NBPF8: variants seen among roughly 807,000 people sequenced by gnomAD.
The protein encoded by NBPF8 is NBPF member 8, also known as NBPF family member NBPF8.
chr1:120,421,210 T>TTG (rs1660564895), intron 1 of NBPF8, among the ~76,000 whole-genome samples: 2 of 152,232 alleles, frequency 1.3e-5, no homozygotes, highest in Non-Finnish European at 2.9e-5. Flanking sequence ...GAAGAAGGGG[T>TTG]TGTACCCCAT....
chr1:120,434,227 A>AAT (rs1172521758), upstream of NBPF8, among the ~76,000 whole-genome samples: 21 of 145,218 alleles, frequency 1.4e-4, no homozygotes, highest in South Asian at 1.7e-3. Flanking sequence ...AAAAGAAAAA[A>AAT]ATATATATAT....
upstream of NBPF8, among the ~76,000 whole-genome samples, chr1:120,435,805 G>T (rs1250957691): frequency 6.6e-6 from 1 of 151,764 alleles, no homozygotes; most frequent in African/African-American, 2.4e-5. Flanking sequence ...GGCAGAGCTT[G>T]CAGTGAGCCT....
At chr1:120,431,795 T>C (rs1242673086), upstream of NBPF8, among the ~76,000 whole-genome samples, 2 of 151,680 alleles carry the variant, frequency 1.3e-5, no homozygotes, top group African/African-American at 4.8e-5. Context: ...GTCTGCACAG[T>C]GATCTGTATG....
At chr1:120,432,486 TG>T (rs1660907689), upstream of NBPF8, 1 of 149,110 alleles carries the variant, frequency 6.7e-6, no homozygotes, top group African/African-American at 2.5e-5. Flanking sequence ...TGGATGCTCA[TG>T]ATAGTTTCTT....
chr1:120,466,308 G>C, exon 25 of NBPF8: 1 of 1,552,590 alleles, frequency 6.4e-7, no homozygotes, highest in Non-Finnish European at 8.8e-7. Flanking sequence ...AGTTCCATTT[G>C]GAAGCCCAGA....
At chr1:120,434,129 G>A (rs1356464199), upstream of NBPF8, 2 of 152,478 alleles carry the variant, frequency 1.3e-5, no homozygotes, top group Admixed American at 1.3e-4. Context: ...TGGGCTGGCG[G>A]GTGGGGGAGG....
upstream of NBPF8, among the ~76,000 whole-genome samples, chr1:120,415,041 G>C (rs1426794642): frequency 6.6e-6 from 1 of 152,148 alleles, no homozygotes; most frequent in Non-Finnish European, 1.5e-5. Context: ...CGCCGAGCGG[G>C]ACCCTGAGGA....
upstream of NBPF8, among the ~76,000 whole-genome samples, chr1:120,435,888 A>G (rs1387267536): frequency 2.0e-5 from 3 of 151,062 alleles, no homozygotes; most frequent in Admixed American, 1.3e-4. Flanking sequence ...AAGTCAAAAC[A>G]AGAGAACATA....
intron 3 of NBPF8, among the ~76,000 whole-genome samples, chr1:120,430,534 C>G (rs1271982332): frequency 1.6e-5 from 2 of 122,362 alleles, no homozygotes; most frequent in Non-Finnish European, 3.4e-5. Context: ...GTGGGCAGAT[C>G]ATGAGGTCAG....
At chr1:120,418,099 C>T (rs1553245493), upstream of NBPF8, among the ~76,000 whole-genome samples, 3 of 33,586 alleles carry the variant, frequency 8.9e-5, no homozygotes, top group African/African-American at 5.4e-4. Flanking sequence ...CCCATCTCTA[C>T]AAAAAATAAA....
chr1:120,468,700 C>G (rs1661818709), downstream of NBPF8, among the ~76,000 whole-genome samples: 1 of 148,344 alleles, frequency 6.7e-6, no homozygotes, highest in Non-Finnish European at 1.5e-5. Context: ...CACGGTGAAG[C>G]CCCTTCCTTT....
upstream of NBPF8, chr1:120,433,421 AC>A (rs1182146573): frequency 1.3e-5 from 2 of 152,630 alleles, no homozygotes; most frequent in Admixed American, 6.5e-5. Context: ...TTTAGTAGAA[AC>A]TTTTTTATTC....
intron 20 of NBPF8, 87 bp downstream of exon 18, chr1:120,462,284 A>C: frequency 3.0e-6 from 2 of 674,820 alleles, no homozygotes; most frequent in South Asian, 3.0e-5. Context: ...GTTCAATTTC[A>C]TGTTTTCAAC....
exon 1 of NBPF8, chr1:120,436,604 T>A: frequency 6.2e-7 from 1 of 1,607,770 alleles, no homozygotes. Flanking sequence ...GCGCCCCCAG[T>A]TGGCAGAGAA....
chr1:120,418,547 C>T (rs1283005299), upstream of NBPF8, among the ~76,000 whole-genome samples: 6 of 151,792 alleles, frequency 4.0e-5, no homozygotes, highest in Admixed American at 6.6e-5. Context: ...AGGACTACAT[C>T]GAACAATTTT....
chr1:120,421,150 T>C lies in NBPF8; in HGVS notation n.269+1032T>C, dbSNP rs1332848286. Among the ~76,000 whole-genome samples, 222 of 151,954 alleles carry C rather than the reference T, an allele frequency of 1.5e-3. 1 individual carries two copies. The Middle Eastern group carries it at 0.02, about 14-fold the overall frequency. On this transcript the variant is annotated intron_variant and non_coding_transcript_variant, in intron 1 of 28. Transcript: ENST00000652355. ...ACCAGAACTTATCCAAAGACAAGACTCAGTGTCTCTGGCAACAGTGGGCCA... is the reference window on the plus strand; with the variant it reads ...ACCAGAACTTATCCAAAGACAAGACCCAGTGTCTCTGGCAACAGTGGGCCA...
At chr1:120,416,186 T>A (rs1241481536), upstream of NBPF8, among the ~76,000 whole-genome samples, 9 of 150,058 alleles carry the variant, frequency 6.0e-5, no homozygotes, top group Admixed American at 2.0e-4. Flanking sequence ...ATTAGTAAAA[T>A]TTCACCAGTG....
upstream of NBPF8, among the ~76,000 whole-genome samples, chr1:120,435,958 G>C (rs1366197098): frequency 6.6e-5 from 10 of 151,918 alleles, no homozygotes; most frequent in Non-Finnish European, 4.4e-5. Context: ...AATATAACCT[G>C]TTGGGAAACT....
At chr1:120,435,847 C>T (rs1159065645), upstream of NBPF8, among the ~76,000 whole-genome samples, 9 of 150,316 alleles carry the variant, frequency 6.0e-5, no homozygotes, top group African/African-American at 2.2e-4. Context: ...GCCTGGGAGA[C>T]AGAGTGAGAC....
Sources: allele counts gnomAD v4.1 joint callset (sites outside exome capture counted in the v4.1 genomes callset), GRCh38; gene constraint gnomAD v4.1.1; transcripts MANE v1.5; gene names NCBI Gene and HGNC (gene_info 2026-07-23, HGNC 2026-07-21).